Variants in CCL24 observed in about 807,000 individuals in gnomAD.
CCL24 encodes the protein C-C motif chemokine 24.
In CCL24, 6 loss-of-function variants were observed where a neutral mutation model predicts 8.6. The observed-to-expected ratio is 0.70, with a 90% CI of 0.38 to 1.38. CCL24 has a LOEUF of 1.38. CCL24 is among the 40% of genes most tolerant of loss of function. The pLI, the probability that CCL24 is intolerant of heterozygous loss-of-function variation, is 0.02. For synonymous variants in CCL24, 59 were observed against 52.7 expected, an observed-to-expected ratio of 1.12 and a Z score of -0.52; for missense variants, 126 against 147.1, an observed-to-expected ratio of 0.86 and a Z score of 0.74.
chr7:75,821,014 A>T (rs1804039960), intron 1 of CCL24, among the ~76,000 whole-genome samples: 1 of 152,290 alleles, frequency 6.6e-6, no homozygotes, highest in African/African-American at 2.4e-5. Context: ...GCATACCAAG[A>T]AAAACTATAT....
upstream of CCL24, among the ~76,000 whole-genome samples, chr7:75,816,571 A>ATTTATTTATTTAATTATTTATTTATTTAT (rs139417962): frequency 6.6e-6 from 1 of 151,538 alleles, no homozygotes; most frequent in African/African-American, 2.4e-5. Context: ...TTATTTATTT[A>ATTTATTTATTTAATTATTTATTTATTTAT]TTATTTTTGA....
At chr7:75,812,035 G>A (rs1313548613) in intron 2 of CCL24, 71 bp from the exon 3 acceptor site, 61 of 1,347,874 alleles carry the variant, frequency 4.5e-5, no homozygotes, top group East Asian at 3.5e-4. Flanking sequence ...TCATGGCGGG[G>A]GGGATGTGGA....
chr7:75,813,590 C>T, intron 1 of CCL24, 53 bp downstream of exon 1: 2 of 1,505,872 alleles, frequency 1.3e-6, no homozygotes, highest in Non-Finnish European at 1.8e-6. Context: ...CTGCACCCCC[C>T]ACTGTGCCAT....
rs575829214 is a variant in CCL24 at position 75,813,196 on chromosome 7, C to T, written c.191+110G>A. The T allele has an allele frequency of 4.7e-6, 3 of 636,304 alleles. No homozygotes were observed. In the African/African-American group the frequency reaches 5.4e-5, roughly 11 times the overall value. 39.4% of individuals were successfully genotyped at this position (636,304 alleles called of 1,614,324 possible). ...GTTGAGGACCAGAGAGGGGAGGTGACTTCTCCAGGGATGCACAGAGCTGGG... is the reference window on the plus strand; with the variant it reads ...GTTGAGGACCAGAGAGGGGAGGTGATTTCTCCAGGGATGCACAGAGCTGGG... On this transcript the variant is annotated intron_variant, in intron 2 of 2. Transcript: ENST00000222902.
chr7:75,815,844 T>G (rs909053140), upstream of CCL24, among the ~76,000 whole-genome samples: 4 of 152,242 alleles, frequency 2.6e-5, no homozygotes, highest in Admixed American at 1.3e-4. Flanking sequence ...TAACAATTGG[T>G]CAGCTGCTTA....
At chr7:75,820,175 C>G (rs1554534904) in intron 1 of CCL24, among the ~76,000 whole-genome samples, 1 of 146,302 alleles carries the variant, frequency 6.8e-6, no homozygotes, top group Non-Finnish European at 1.5e-5. Flanking sequence ...TTCTCCTTCT[C>G]CTTCTCCTTC....
At chr7:75,820,654 CA>C (rs1326149564) in intron 1 of CCL24, among the ~76,000 whole-genome samples, 1 of 141,448 alleles carries the variant, frequency 7.1e-6, no homozygotes, top group African/African-American at 2.6e-5. Flanking sequence ...CCCACTCATC[CA>C]CCCATCTATC....
At chr7:75,815,355 AG>A (rs1803867253), upstream of CCL24, among the ~76,000 whole-genome samples, 1 of 150,446 alleles carries the variant, frequency 6.6e-6, no homozygotes, top group Admixed American at 6.6e-5. Flanking sequence ...AAAAAAAAAA[AG>A]AAAGGCTGGG....
chr7:75,812,246 A>G (rs1299033960), intron 2 of CCL24, among the ~76,000 whole-genome samples: 2 of 151,840 alleles, frequency 1.3e-5, no homozygotes, highest in Admixed American at 1.3e-4. Context: ...CACCATGCCC[A>G]GCTAATTTTT....
chr7:75,814,272 C>T (rs1181503217), upstream of CCL24, among the ~76,000 whole-genome samples: 1 of 152,054 alleles, frequency 6.6e-6, no homozygotes, highest in Admixed American at 6.6e-5. Context: ...GTGTAACAGA[C>T]AATGAGAGGT....
rs573533088 is a variant in CCL24 at position 75,811,313 on chromosome 7, T to C, written c.*483A>G. Reference sequence around the variant, plus strand: ...GGCCAACATGGTGAAACCTCATCTCTACTAAAAATACAAAAGTTAGTTGGG... The same window carrying C: ...GGCCAACATGGTGAAACCTCATCTCCACTAAAAATACAAAAGTTAGTTGGG... On this transcript the variant is annotated 3_prime_UTR_variant, in exon 3 of 3. Coordinates refer to ENST00000222902, the MANE Select transcript of CCL24 (RefSeq NM_002991.3). Among the ~76,000 whole-genome samples, 3 of 151,820 alleles carry C rather than the reference T, an allele frequency of 2.0e-5. No homozygotes were observed. Among genetic ancestry groups the C allele is most frequent in the Non-Finnish European group, 4.4e-5 (3 of 67,932 alleles).
In CCL24 at chr7:75,811,948, C is replaced by T; in HGVS notation, c.208G>A (p.Gly70Ser). 6.2e-7 allele frequency: 1 copy of T among 1,610,852 alleles called. No individual in the cohort carries two copies. Among genetic ancestry groups the T allele is most frequent in the Non-Finnish European group, 8.5e-7 (1 of 1,179,464 alleles). The change falls in exon 3 of 3, where the codon GGC (glycine) becomes AGC (serine). Residue 70 changes from glycine to serine, a missense_variant. Physicochemically the swap from Gly to Ser is moderately conservative, Grantham distance 56. Coordinates refer to ENST00000222902, the MANE Select transcript of CCL24 (RefSeq NM_002991.3). ...TTGGGGTCGCCACAGAACTGCTGGC[C>T]CTTCTTGGTGGTGAAGCTGTGGAAG... Reference protein sequence around the residue: ...KAGVIFTTKKGQQFCGDPKQE... With the variant: ...KAGVIFTTKKSQQFCGDPKQE...
At chr7:75,820,819 CCATCCAT>C (rs1804033266) in intron 1 of CCL24, among the ~76,000 whole-genome samples, 1 of 84,786 alleles carries the variant, frequency 1.2e-5, no homozygotes, top group Admixed American at 1.8e-4. Flanking sequence ...ATTCACTAAT[CCATCCAT>C]CCATCCATCC....
chr7:75,812,591 G>C (rs11465305), intron 2 of CCL24, among the ~76,000 whole-genome samples: 34,601 of 152,000 alleles, frequency 0.23, 4,485 homozygotes, highest in Non-Finnish European at 0.29. Flanking sequence ...ATATTGTCTT[G>C]TGCCCCTGAA....
At chr7:75,821,651 A>G (rs1455663827) in intron 1 of CCL24, among the ~76,000 whole-genome samples, 1 of 151,814 alleles carries the variant, frequency 6.6e-6, no homozygotes, top group Non-Finnish European at 1.5e-5. Flanking sequence ...TATCAGAACA[A>G]GGGAGGGGCT....
chr7:75,812,796 G>A (rs931169220), intron 2 of CCL24, among the ~76,000 whole-genome samples: 12 of 152,138 alleles, frequency 7.9e-5, no homozygotes, highest in Non-Finnish European at 1.5e-4. Flanking sequence ...CGGGCATGGT[G>A]GTGCGTACCT....
intron 1 of CCL24, among the ~76,000 whole-genome samples, chr7:75,820,139 C>T (rs797027842): frequency 0.1 from 11,232 of 110,046 alleles, 1,559 homozygotes; most frequent in East Asian, 0.29. Flanking sequence ...TTCTCCTCCT[C>T]CTCCTCCTCC....
chr7:75,818,030 C>T (rs550311409), upstream of CCL24, among the ~76,000 whole-genome samples: 7 of 151,792 alleles, frequency 4.6e-5, no homozygotes, highest in African/African-American at 1.7e-4. Context: ...GGGGTTTCAC[C>T]ATGTTGGCTG....
At chr7:75,812,300 T>C (rs1803786242) in intron 2 of CCL24, among the ~76,000 whole-genome samples, 2 of 152,208 alleles carry the variant, frequency 1.3e-5, no homozygotes, top group East Asian at 1.9e-4. Context: ...TTGCCTAGGC[T>C]GGTCTTAAAC....
Sources: allele counts gnomAD v4.1 joint callset (sites outside exome capture counted in the v4.1 genomes callset), GRCh38; gene constraint gnomAD v4.1.1; transcripts MANE v1.5; gene names NCBI Gene and HGNC (gene_info 2026-07-23, HGNC 2026-07-21).